The following NDST3 variants were observed in gnomAD, a reference collection of about 807,000 sequenced individuals.
NDST3 encodes bifunctional heparan sulfate N-deacetylase/N-sulfotransferase 3.
Under a neutral mutation model 96.1 loss-of-function variants are expected in NDST3, and 58 were observed. The ratio of observed to expected loss-of-function variants is 0.60; its 90% CI spans 0.49 to 0.75. The LOEUF (loss-of-function observed/expected upper bound fraction) is 0.75. Ranked by LOEUF, NDST3 falls within the 30% of genes least tolerant of loss-of-function variation. NDST3 has a pLI of 0.00. For synonymous variants in NDST3, 333 were observed against 359.7 expected (o/e 0.93, Z 0.84); for missense variants, 788 against 1,034.2 (o/e 0.76, Z 3.27).
At chr4:118,216,280 G>T (rs1739189201) in intron 6 of NDST3, among the ~76,000 whole-genome samples, 1 of 152,014 alleles carries the variant, frequency 6.6e-6, no homozygotes, top group Non-Finnish European at 1.5e-5. Context: ...AAAATAAGAG[G>T]GTTAAGAGGT....
chr4:118,053,085 G>T (rs952124264), intron 1 of NDST3, among the ~76,000 whole-genome samples: 1 of 151,926 alleles, frequency 6.6e-6, no homozygotes, highest in African/African-American at 2.4e-5. Context: ...CACCAGATTT[G>T]CAGAAACCCT....
intron 6 of NDST3, among the ~76,000 whole-genome samples, chr4:118,144,340 G>C (rs112808454): frequency 0.045 from 6,910 of 151,870 alleles, 272 homozygotes; most frequent in African/African-American, 0.11. Context: ...GCCACCACAC[G>C]GGGCTAATTT....
intron 6 of NDST3, among the ~76,000 whole-genome samples, chr4:118,192,779 C>T (rs1320788045): frequency 6.6e-6 from 1 of 151,768 alleles, no homozygotes. Context: ...CAAGCCTGGA[C>T]CTTCATCAAC....
intron 10 of NDST3, among the ~76,000 whole-genome samples, chr4:118,238,836 A>ATTT (rs1275373762): frequency 1.3e-5 from 2 of 152,250 alleles, no homozygotes; most frequent in Non-Finnish European, 2.9e-5. Flanking sequence ...GCTGTCGCAG[A>ATTT]GAAGCCCAAA....
intron 6 of NDST3, among the ~76,000 whole-genome samples, chr4:118,164,459 A>G (rs538687031): frequency 6.6e-6 from 1 of 150,806 alleles, no homozygotes; most frequent in African/African-American, 2.5e-5. Context: ...GAGTACCTAT[A>G]TAAGAAAGCT....
intron 6 of NDST3, among the ~76,000 whole-genome samples, chr4:118,177,677 A>G (rs28508556): frequency 0.18 from 27,513 of 151,906 alleles, 2,654 homozygotes; most frequent in South Asian, 0.23. Context: ...CCTGGGTTTC[A>G]GATCATGATA....
intron 8 of NDST3, among the ~76,000 whole-genome samples, chr4:118,232,312 G>A (rs1740353188): frequency 6.6e-6 from 1 of 152,048 alleles, no homozygotes; most frequent in Admixed American, 6.6e-5. Context: ...TATGAAATAA[G>A]TAGGCAGGTG....
At chr4:118,250,575 C>G (rs673682) in intron 12 of NDST3, among the ~76,000 whole-genome samples, 44,736 of 151,816 alleles carry the variant, frequency 0.29, 8,102 homozygotes, top group Middle Eastern at 0.43. Context: ...ACCTCTGCCC[C>G]CCAGGTTCAA....
chr4:118,164,062 T>C (rs1560690572), intron 6 of NDST3, among the ~76,000 whole-genome samples: 1 of 152,140 alleles, frequency 6.6e-6, no homozygotes, highest in Non-Finnish European at 1.5e-5. Flanking sequence ...GTTGCAGCAC[T>C]ATTTACAATA....
chr4:118,122,710 T>C (rs12505582), intron 4 of NDST3, among the ~76,000 whole-genome samples: 277 of 152,278 alleles, frequency 1.8e-3, no homozygotes, highest in Middle Eastern at 0.01. Context: ...AAACAGAACC[T>C]TACGGTTCAG....
chr4:118,084,002 G>A (rs939127746), intron 2 of NDST3, among the ~76,000 whole-genome samples: 1 of 152,170 alleles, frequency 6.6e-6, no homozygotes, highest in Non-Finnish European at 1.5e-5. Flanking sequence ...TGGAAAGAGA[G>A]ATTATGCCTC....
intron 6 of NDST3, among the ~76,000 whole-genome samples, chr4:118,154,520 C>A (rs978063336): frequency 3.3e-5 from 5 of 152,122 alleles, no homozygotes; most frequent in Non-Finnish European, 5.9e-5. Context: ...TTGGCAGAGT[C>A]TCTGCTTGCA....
In NDST3 at chr4:118,112,017, T is replaced by C. The variant is rs564213707; in HGVS notation, c.1070-2789T>C. 2.0e-5 allele frequency among the ~76,000 whole-genome samples: 3 copies of C among 152,228 alleles called. No homozygotes were observed. In the South Asian group the frequency reaches 6.2e-4, roughly 32 times the overall value. On this transcript the variant is annotated intron_variant, in intron 3 of 13. Transcript: ENST00000296499. ...ATAAGCAACAGACATTTGTTTTCAA[T>C]GTAATTCTAATGTAAAACATTCTCA...
At chr4:118,035,471 T>C (rs1724099539) in intron 1 of NDST3, among the ~76,000 whole-genome samples, 1 of 151,358 alleles carries the variant, frequency 6.6e-6, no homozygotes, top group African/African-American at 2.4e-5. Context: ...AAATTTCATG[T>C]TATCAACTAC....
chr4:118,062,936 A>T (rs941412186), intron 2 of NDST3, among the ~76,000 whole-genome samples: 1 of 152,114 alleles, frequency 6.6e-6, no homozygotes, highest in African/African-American at 2.4e-5. Context: ...CATGCCTGTA[A>T]TCCCAGCACT....
rs534716070 is a variant in NDST3 at position 118,206,939 on chromosome 4, A to G, written c.1540-17552A>G. On this transcript the variant is annotated intron_variant, in intron 6 of 13. Coordinates refer to ENST00000296499, the MANE Select transcript of NDST3 (RefSeq NM_004784.3). Reference sequence around the variant, plus strand: ...TATACCAAGTTATTCATAATAGCATAAAACCTTAATAAGAACTTGAATAAC... The same window carrying G: ...TATACCAAGTTATTCATAATAGCATGAAACCTTAATAAGAACTTGAATAAC... 9.0e-5 allele frequency among the ~76,000 whole-genome samples: 13 copies of G among 143,836 alleles called. 1 individual carries two copies. In the East Asian group the frequency reaches 2.6e-3, roughly 28 times the overall value. The allele number at this position is 143,836 out of a possible 152,430, so 94.4% of individuals were successfully genotyped here.
intron 2 of NDST3, among the ~76,000 whole-genome samples, chr4:118,078,664 G>A (rs979781901): frequency 4.6e-5 from 7 of 150,858 alleles, no homozygotes; most frequent in East Asian, 2.0e-4. Context: ...CAGGAGAATC[G>A]TTTGAACCTG....
intron 2 of NDST3, among the ~76,000 whole-genome samples, chr4:118,104,286 T>C (rs796387536): frequency 5.9e-5 from 9 of 152,152 alleles, no homozygotes; most frequent in Admixed American, 2.0e-4. Context: ...TGTGTGTGTA[T>C]GTGTATGTGA....
chr4:118,143,613 C>G lies in NDST3; in HGVS notation c.1468C>G (p.Pro490Ala). 6.2e-7 allele frequency: 1 copy of G among 1,609,924 alleles called. No individual in the cohort carries two copies. Among genetic ancestry groups the G allele is most frequent in the Non-Finnish European group, 8.5e-7 (1 of 1,178,500 alleles). Residue 490 changes from proline (P) to alanine (A), a missense_variant, in exon 6 of 14, where the codon CCA (proline) becomes GCA (alanine). This residue lies in a region of NDST3 where 490 missense variants were observed against 708.8 expected (regional missense o/e 0.69). Coordinates refer to ENST00000296499, the MANE Select transcript of NDST3 (RefSeq NM_004784.3). ...FTHTIFYKEY[P>A]GGPKELDKSI... Reference sequence around the variant, plus strand: ...TCACACCATTTTCTACAAAGAATATCCAGGGGGTCCTAAAGAGCTGGATAA... The same window carrying G: ...TCACACCATTTTCTACAAAGAATATGCAGGGGGTCCTAAAGAGCTGGATAA...
Sources: gnomAD v4.1 joint callset for allele counts (sites outside exome capture counted in the v4.1 genomes callset) on GRCh38, gnomAD v4.1.1 for gene constraint, gnomAD v4.1.1 regional missense constraint, MANE v1.5 for transcripts, NCBI Gene and HGNC (gene_info 2026-07-23, HGNC 2026-07-21) for gene names.